The following TRIO variants were observed in gnomAD, a reference collection of about 807,000 sequenced individuals.
The protein encoded by TRIO is triple functional domain protein.
Under a neutral mutation model 351.9 loss-of-function variants are expected in TRIO, and 58 were observed. The ratio of observed to expected loss-of-function variants is 0.16; its 90% CI spans 0.13 to 0.21. TRIO has a LOEUF of 0.21. Ranked by LOEUF, TRIO falls within the 10% of genes least tolerant of loss-of-function variation. TRIO has a pLI of 1.00. For missense variants in TRIO, 3,201 were observed against 4,027.8 expected (o/e 0.79, Z 5.56); for synonymous variants, 1,758 against 1,595.7 (o/e 1.10, Z -2.42).
chr5:14,245,016 C>A (rs1794349538), intron 1 of TRIO, among the ~76,000 whole-genome samples: 1 of 152,132 alleles, frequency 6.6e-6, no homozygotes. Context: ...CTATGCATCC[C>A]ACAGTTCTCT....
At chr5:14,370,814 C>G (rs1446656490) in intron 18 of TRIO, among the ~76,000 whole-genome samples, 1 of 152,168 alleles carries the variant, frequency 6.6e-6, no homozygotes, top group African/African-American at 2.4e-5. Flanking sequence ...GTTAGGATTT[C>G]GAGGTGGAAT....
chr5:14,302,797 A>G (rs1170495953), intron 7 of TRIO, among the ~76,000 whole-genome samples: 1 of 152,238 alleles, frequency 6.6e-6, no homozygotes, highest in Non-Finnish European at 1.5e-5. Context: ...TGCTAAGTTA[A>G]AAGATGTGTG....
At chr5:14,458,178 G>T (rs1337279399) in intron 34 of TRIO, among the ~76,000 whole-genome samples, 1 of 152,094 alleles carries the variant, frequency 6.6e-6, no homozygotes, top group Non-Finnish European at 1.5e-5. Context: ...GTCTTGTGCA[G>T]TTGTGAATCT....
chr5:14,360,480 C>T (rs964867737), intron 13 of TRIO, among the ~76,000 whole-genome samples: 2 of 152,220 alleles, frequency 1.3e-5, no homozygotes, highest in African/African-American at 2.4e-5. Context: ...CTCCACATAC[C>T]TCTGGGCTGC....
chr5:14,345,150 A>G (rs562679287), intron 11 of TRIO, among the ~76,000 whole-genome samples: 1 of 152,354 alleles, frequency 6.6e-6, no homozygotes, highest in African/African-American at 2.4e-5. Context: ...TTAAATTTAT[A>G]CAATTTTTAT....
intron 1 of TRIO, among the ~76,000 whole-genome samples, chr5:14,172,617 G>A (rs112598877): frequency 2.6e-3 from 402 of 152,318 alleles, no homozygotes; most frequent in Non-Finnish European, 4.8e-3. Context: ...ATATCAAACC[G>A]GAGTGTTGTG....
At position 14,507,903 on chromosome 5, in the gene TRIO, G is replaced by C. The variant is rs776107170; in HGVS notation, c.8775G>C (p.Glu2925Asp). The change falls in exon 57 of 57, where the codon GAG becomes GAC. Residue 2925 changes from glutamate (E) to aspartate (D), a missense_variant. Coordinates refer to ENST00000344204, the MANE Select transcript of TRIO (RefSeq NM_007118.4). ...AGCCTGAGAATATCCTGGTGGATGA[G>C]AGTTTAGCCAAGCCAACCATCAAAC... ...DLKPENILVDESLAKPTIKLA... is the reference protein window; with the variant it reads ...DLKPENILVDDSLAKPTIKLA... 6.2e-7 allele frequency: 1 copy of C among 1,613,844 alleles called. No individual in the cohort carries two copies. The highest frequency in any genetic ancestry group is 8.5e-7 in the Non-Finnish European group (1 of 1,179,926).
At chr5:14,146,950 A>T (rs990622902) in intron 1 of TRIO, among the ~76,000 whole-genome samples, 1 of 152,092 alleles carries the variant, frequency 6.6e-6, no homozygotes. Flanking sequence ...GATCATTTTG[A>T]TCACCTATTT....
intron 13 of TRIO, 36 bp downstream of exon 13, chr5:14,359,567 G>A (rs1328627331): frequency 2.5e-6 from 4 of 1,604,546 alleles, no homozygotes; most frequent in African/African-American, 2.7e-5. Flanking sequence ...CCTGCCTGTG[G>A]GAGCCCTTGG....
intron 1 of TRIO, among the ~76,000 whole-genome samples, chr5:14,251,002 C>T (rs547840953): frequency 2.0e-5 from 3 of 152,048 alleles, no homozygotes; most frequent in East Asian, 1.9e-4. Flanking sequence ...GAGGAGGGGG[C>T]GAGGGGAACC....
intron 38 of TRIO, 150 bp downstream of exon 38, chr5:14,471,616 C>G (rs1018006490): frequency 9.9e-7 from 1 of 1,012,868 alleles, no homozygotes; most frequent in South Asian, 1.8e-5. Context: ...GTAAAAGACT[C>G]AGGACCTAAT....
At chr5:14,215,596 G>C (rs1157272779) in intron 1 of TRIO, among the ~76,000 whole-genome samples, 3 of 152,144 alleles carry the variant, frequency 2.0e-5, no homozygotes, top group Non-Finnish European at 4.4e-5. Context: ...TTAGTTCCAA[G>C]ATTTGATGAT....
chr5:14,349,676 C>T (rs1298319674), intron 11 of TRIO, among the ~76,000 whole-genome samples: 1 of 152,124 alleles, frequency 6.6e-6, no homozygotes, highest in African/African-American at 2.4e-5. Context: ...GAACTTTTAC[C>T]TTTCTCCATT....
chr5:14,460,436 G>A (rs1435682745), intron 34 of TRIO, among the ~76,000 whole-genome samples: 1 of 152,036 alleles, frequency 6.6e-6, no homozygotes, highest in East Asian at 1.9e-4. Context: ...GTCTCCCAGA[G>A]GCTGCTGCTG....
At chr5:14,395,167 C>G (rs1747452973) in intron 28 of TRIO, among the ~76,000 whole-genome samples, 1 of 151,880 alleles carries the variant, frequency 6.6e-6, no homozygotes, top group Non-Finnish European at 1.5e-5. Flanking sequence ...TAATAAGTAG[C>G]TACATCGTTT....
chr5:14,181,536 C>G (rs1255667418), intron 1 of TRIO, among the ~76,000 whole-genome samples: 1 of 152,144 alleles, frequency 6.6e-6, no homozygotes, highest in Non-Finnish European at 1.5e-5. Flanking sequence ...CGTGGGCAGG[C>G]CTGTGAGTGG....
chr5:14,267,155 T>C (rs115822931), intron 1 of TRIO, among the ~76,000 whole-genome samples: 285 of 152,336 alleles, frequency 1.9e-3, no homozygotes, highest in African/African-American at 6.6e-3. Flanking sequence ...ATTTACCCTC[T>C]GGTTATCTCC....
chr5:14,509,758 C>A lies in TRIO; in HGVS notation c.*1336C>A. On this transcript the variant is annotated 3_prime_UTR_variant, in exon 57 of 57. Transcript: ENST00000344204. Reference sequence around the variant, plus strand: ...AGCATTCGCACTGGTGTGGGGAGTCCTTTCAACTCAAGGAGGCTGGGTTTC... The same window carrying A: ...AGCATTCGCACTGGTGTGGGGAGTCATTTCAACTCAAGGAGGCTGGGTTTC... 1 of 215,714 alleles carries A rather than the reference C, an allele frequency of 4.6e-6. No homozygotes were observed. The highest frequency in any genetic ancestry group is 5.8e-5 in the South Asian group (1 of 17,120). 13.4% of individuals were successfully genotyped at this position (215,714 alleles called of 1,614,324 possible). A position where few individuals can be genotyped will look rare whatever the true frequency, so the allele number is the denominator to read the frequency against.
chr5:14,268,550 C>T (rs973614546), intron 1 of TRIO, among the ~76,000 whole-genome samples: 3 of 152,114 alleles, frequency 2.0e-5, no homozygotes, highest in Admixed American at 1.3e-4. Context: ...CTGGCCATGA[C>T]GTGTGGGTGT....
Sources: allele counts gnomAD v4.1 joint callset (sites outside exome capture counted in the v4.1 genomes callset), GRCh38; gene constraint gnomAD v4.1.1; transcripts MANE v1.5; gene names NCBI Gene and HGNC (gene_info 2026-07-23, HGNC 2026-07-21).